The following NCEH1 variants were observed in gnomAD, a reference collection of about 807,000 sequenced individuals.
The protein encoded by NCEH1 is neutral cholesterol ester hydrolase 1.
In NCEH1, 9 loss-of-function variants were observed where a neutral mutation model predicts 25.4. The ratio of observed to expected loss-of-function variants is 0.35; its 90% CI spans 0.21 to 0.62. The LOEUF (loss-of-function observed/expected upper bound fraction) is 0.62. Ranked by LOEUF, NCEH1 falls within the 20% of genes least tolerant of loss-of-function variation. The pLI, the probability that NCEH1 is intolerant of heterozygous loss-of-function variation, is 0.72. For synonymous variants in NCEH1, 200 were observed against 199.8 expected (o/e 1.00, Z -0.01); for missense variants, 412 against 501.1 (o/e 0.82, Z 1.70).
intron 1 of NCEH1, among the ~76,000 whole-genome samples, chr3:172,697,662 C>T (rs940505852): frequency 2.0e-5 from 3 of 151,844 alleles, no homozygotes; most frequent in Non-Finnish European, 2.9e-5. Context: ...AAGAGCTGAG[C>T]GTGGAGGGAG....
In NCEH1 at chr3:172,673,604, T is replaced by G. The variant is rs371483151; in HGVS notation, c.139-25490A>C. ...AAAATATTACCAGGAAATTAGCAGG[T>G]TATCCTCAGTTTTTCTTTCATGAGA... On this transcript the variant is annotated intron_variant, in intron 1 of 4. Transcript: ENST00000475381. Among the ~76,000 whole-genome samples, 9 of 152,306 alleles carry G rather than the reference T, an allele frequency of 5.9e-5. No homozygotes were observed. The East Asian group carries it at 1.5e-3, about 26-fold the overall frequency.
chr3:172,660,005 T>G (rs1393459796), intron 1 of NCEH1, among the ~76,000 whole-genome samples: 1 of 152,096 alleles, frequency 6.6e-6, no homozygotes, highest in Non-Finnish European at 1.5e-5. Context: ...TTTTATACTT[T>G]AAGTTCTAGG....
At chr3:172,665,398 C>G (rs1718160264) in intron 1 of NCEH1, among the ~76,000 whole-genome samples, 1 of 152,156 alleles carries the variant, frequency 6.6e-6, no homozygotes, top group African/African-American at 2.4e-5. Flanking sequence ...TCAGTTGGCC[C>G]CCACTGGGAG....
intron 3 of NCEH1, among the ~76,000 whole-genome samples, chr3:172,642,690 T>C (rs572000071): frequency 3.3e-5 from 5 of 152,228 alleles, no homozygotes; most frequent in African/African-American, 1.2e-4. Flanking sequence ...GTTGTCCTTT[T>C]CATTCTATAG....
At chr3:172,686,974 G>T (rs1041904285) in intron 1 of NCEH1, among the ~76,000 whole-genome samples, 1 of 152,116 alleles carries the variant, frequency 6.6e-6, no homozygotes, top group African/African-American at 2.4e-5. Context: ...AAAAAGAAGT[G>T]GGCTGGAAGT....
Position 172,631,895 on chromosome 3 carries a change from A to G in NCEH1, c.*1580T>C, listed in dbSNP as rs543478503. 2 of 152,842 alleles carry G rather than the reference A, an allele frequency of 1.3e-5. No homozygotes were observed. Among genetic ancestry groups the G allele is most frequent in the African/African-American group, 4.8e-5 (2 of 41,586 alleles). The allele number at this position is 152,842 out of a possible 1,614,324, so 9.5% of individuals were successfully genotyped here. Reference sequence around the variant, plus strand: ...AGCATGGATCGGGGAAGAAGGAAGGACGGCAGGAAGGCAGGCAGAGATCCT... The same window carrying G: ...AGCATGGATCGGGGAAGAAGGAAGGGCGGCAGGAAGGCAGGCAGAGATCCT... On this transcript the variant is annotated 3_prime_UTR_variant, in exon 5 of 5. Transcript: ENST00000475381.
At chr3:172,702,141 A>C (rs1293857639) in intron 1 of NCEH1, among the ~76,000 whole-genome samples, 1 of 152,182 alleles carries the variant, frequency 6.6e-6, no homozygotes, top group Non-Finnish European at 1.5e-5. Context: ...TTCAGGCTCC[A>C]CCTCGTATAA....
At chr3:172,665,012 G>A (rs114506744) in intron 1 of NCEH1, among the ~76,000 whole-genome samples, 3,638 of 152,212 alleles carry the variant, frequency 0.024, 144 homozygotes, top group African/African-American at 0.08. Flanking sequence ...CTGGCGAGGC[G>A]CTGTGATCCT....
intron 1 of NCEH1, among the ~76,000 whole-genome samples, chr3:172,686,081 C>CA (rs11444149): frequency 0.34 from 51,422 of 152,110 alleles, 8,920 homozygotes; most frequent in South Asian, 0.4. Context: ...AACACACTGA[C>CA]AAGTCCCAGC....
At chr3:172,703,299 T>G (rs992838202) in intron 1 of NCEH1, 1 of 151,284 alleles carries the variant, frequency 6.6e-6, no homozygotes, top group African/African-American at 2.4e-5. Flanking sequence ...CCAAGGCGGG[T>G]GGATAACCTG....
intron 1 of NCEH1, among the ~76,000 whole-genome samples, chr3:172,665,589 G>A (rs190090341): frequency 6.6e-6 from 1 of 152,238 alleles, no homozygotes; most frequent in Non-Finnish European, 1.5e-5. Context: ...GCCCCCAGAG[G>A]TGGAGTCTAC....
chr3:172,678,415 C>T (rs1188467259), intron 1 of NCEH1, among the ~76,000 whole-genome samples: 1 of 151,594 alleles, frequency 6.6e-6, no homozygotes, highest in East Asian at 1.9e-4. Flanking sequence ...GGAAAACACA[C>T]AATGGAGTGT....
chr3:172,702,360 C>G (rs143849548), intron 1 of NCEH1, among the ~76,000 whole-genome samples: 1 of 152,192 alleles, frequency 6.6e-6, no homozygotes, highest in Non-Finnish European at 1.5e-5. Flanking sequence ...AGATTAGATA[C>G]GTTTCCCCAG....
intron 1 of NCEH1, among the ~76,000 whole-genome samples, chr3:172,684,799 G>A (rs948263816): frequency 3.3e-5 from 5 of 151,858 alleles, no homozygotes; most frequent in Non-Finnish European, 7.4e-5. Context: ...TGGCCAACAT[G>A]GTGAAACCTC....
intron 3 of NCEH1, among the ~76,000 whole-genome samples, chr3:172,644,987 AAAG>A (rs1486334538): frequency 3.3e-5 from 5 of 152,194 alleles, no homozygotes; most frequent in Non-Finnish European, 7.3e-5. Flanking sequence ...AAAAAGACCT[AAAG>A]AAGAAGAGAC....
chr3:172,633,212 G>T lies in NCEH1; in HGVS notation c.*263C>A. 7.1e-6 allele frequency: 3 copies of T among 420,420 alleles called. No homozygotes were observed. The highest frequency in any genetic ancestry group is 4.5e-5 in the East Asian group (1 of 22,142). 26.0% of individuals were successfully genotyped at this position (420,420 alleles called of 1,614,324 possible). A position where few individuals can be genotyped will look rare whatever the true frequency, so the allele number is the denominator to read the frequency against. On this transcript the variant is annotated 3_prime_UTR_variant, in exon 5 of 5. Transcript: ENST00000475381. ...CTAGTCCTGCTTTCTGTAGCTGTAG[G>T]TATCAGTATAGTTGGCTAAGATAAC...
chr3:172,673,432 G>T (rs911670607), intron 1 of NCEH1, among the ~76,000 whole-genome samples: 1 of 152,228 alleles, frequency 6.6e-6, no homozygotes, highest in Non-Finnish European at 1.5e-5. Context: ...AATTGGCTGA[G>T]CTAAGAGCTC....
intron 2 of NCEH1, among the ~76,000 whole-genome samples, chr3:172,646,313 C>G (rs1470239298): frequency 6.6e-6 from 1 of 152,116 alleles, no homozygotes; most frequent in African/African-American, 2.4e-5. Flanking sequence ...TGTGATAGAG[C>G]CACTGTACTC....
chr3:172,670,041 T>C (rs976293316), intron 1 of NCEH1, among the ~76,000 whole-genome samples: 1 of 152,264 alleles, frequency 6.6e-6, no homozygotes, highest in Non-Finnish European at 1.5e-5. Flanking sequence ...ATTTGAAATT[T>C]TGTTAATATT....
Sources: allele counts gnomAD v4.1 joint callset (sites outside exome capture counted in the v4.1 genomes callset), GRCh38; gene constraint gnomAD v4.1.1; transcripts MANE v1.5; gene names NCBI Gene and HGNC (gene_info 2026-07-23, HGNC 2026-07-21).